The following IQSEC1 variants were observed in gnomAD, a reference collection of about 807,000 sequenced individuals.
The protein encoded by IQSEC1 is IQ motif and Sec7 domain ArfGEF 1.
Under a neutral mutation model 91.0 loss-of-function variants are expected in IQSEC1, and 31 were observed. The ratio of observed to expected loss-of-function variants is 0.34; its 90% CI spans 0.26 to 0.46. The LOEUF (loss-of-function observed/expected upper bound fraction) is 0.46. Among genes scored for constraint, IQSEC1 ranks in the 20% least tolerant of loss-of-function variants. IQSEC1 has a pLI of 1.00. For missense variants in IQSEC1, 1,388 were observed against 1,575.6 expected (o/e 0.88, Z 2.02); for synonymous variants, 699 against 662.6 (o/e 1.05, Z -0.84).
intron 2 of IQSEC1, among the ~76,000 whole-genome samples, chr3:13,134,786 C>A (rs932333571): frequency 9.8e-5 from 15 of 152,288 alleles, no homozygotes; most frequent in Admixed American, 3.3e-4. Context: ...AGAGAAAATT[C>A]TTTAACTGGG....
chr3:12,922,820 TCTTC>T lies in IQSEC1; in HGVS notation c.1731-582_1731-579del, dbSNP rs553512484. On this transcript the variant is annotated intron_variant, in intron 4 of 13. Coordinates refer to ENST00000613206, the MANE Select transcript of IQSEC1 (RefSeq NM_001134382.3). The surrounding 1 kb of genome is among the most constrained non-coding windows in gnomAD (Gnocchi z 5.1). ...GGCGGCTGATGAATGGTCTCCACAT[TCTTC>T]CCATGGCCCTGCCCCGGCACACCCT... 3.2e-3 allele frequency among the ~76,000 whole-genome samples: 489 copies of T among 152,214 alleles called. 3 individuals are homozygous for T. Among genetic ancestry groups the T allele is most frequent in the African/African-American group, 0.011 (467 of 41,542 alleles).
chr3:13,274,443 G>A (rs919786580), intron 1 of IQSEC1, among the ~76,000 whole-genome samples: 19 of 152,150 alleles, frequency 1.2e-4, no homozygotes, highest in African/African-American at 3.4e-4. Context: ...CGGTTCCCAC[G>A]GAGGGGGCGG....
intron 1 of IQSEC1, among the ~76,000 whole-genome samples, chr3:13,198,614 C>T (rs957010254): frequency 3.3e-5 from 5 of 152,202 alleles, no homozygotes; most frequent in Non-Finnish European, 7.3e-5. Context: ...TGGTGACCTA[C>T]AGCCGGGATC....
In IQSEC1 at chr3:13,012,964, C is replaced by CTTTTTTTTTTTTTTTT. The variant is rs35541458; in HGVS notation, c.23+60012_23+60027dup. Among the ~76,000 whole-genome samples, 90 of 97,506 alleles carry CTTTTTTTTTTTTTTTT rather than the reference C, an allele frequency of 9.2e-4. 11 individuals carry two copies. The highest frequency in any genetic ancestry group is 2.2e-3 in the African/African-American group (47 of 21,274). The allele number at this position is 97,506 out of a possible 152,430, so 64.0% of individuals were successfully genotyped here. ...ACAGAAACTCCCATGAAAGTCTGGG[C>CTTTTTTTTTTTTTTTT]TTTTTTTTTTTTTTTTGAGACAGTC... On this transcript the variant is annotated intron_variant, in intron 1 of 13. Transcript: ENST00000613206.
rs1180193268 is a variant in IQSEC1 at position 12,899,338 on chromosome 3, A to AAAGG, written c.*1641_*1644dup. ...TCAGGCGTGAGCTTCGCCCTTTCTG[A>AAAGG]AAGGGCCTCCGCCTGGGCAGGCGCC... On this transcript the variant is annotated 3_prime_UTR_variant, in exon 14 of 14. Transcript: ENST00000613206. The AAAGG allele has an allele frequency of 6.3e-7, 1 of 1,598,546 alleles. No homozygotes were observed. Among genetic ancestry groups the AAAGG allele is most frequent in the Non-Finnish European group, 8.5e-7 (1 of 1,169,942 alleles).
At chr3:13,225,878 A>ATT (rs59308345) in intron 1 of IQSEC1, among the ~76,000 whole-genome samples, 27,986 of 150,188 alleles carry the variant, frequency 0.19, 3,687 homozygotes, top group African/African-American at 0.36. Flanking sequence ...TAATTCATCA[A>ATT]TTTTTTTTTT....
At chr3:13,266,772 G>A (rs548077676) in intron 1 of IQSEC1, among the ~76,000 whole-genome samples, 1 of 152,052 alleles carries the variant, frequency 6.6e-6, no homozygotes, top group Non-Finnish European at 1.5e-5. Context: ...GACAATTAGG[G>A]GCTCACCGTC....
chr3:13,022,539 C>A, intron 1 of IQSEC1: 1 of 877,168 alleles, frequency 1.1e-6, no homozygotes, highest in Non-Finnish European at 1.4e-6. Context: ...AGCCCAGGGG[C>A]TGGCCCTGCG....
At chr3:12,917,908 A>G (rs1156434151) in intron 6 of IQSEC1, among the ~76,000 whole-genome samples, 1 of 152,272 alleles carries the variant, frequency 6.6e-6, no homozygotes, top group Non-Finnish European at 1.5e-5. Flanking sequence ...CCGCCTTCAC[A>G]GTCCTCCAGC....
Position 12,941,686 on chromosome 3 carries a change from G to A in IQSEC1, c.203C>T (p.Pro68Leu). 2 of 1,612,924 alleles carry A rather than the reference G, an allele frequency of 1.2e-6. No individual in the cohort carries two copies. The highest frequency in any genetic ancestry group is 1.7e-6 in the Non-Finnish European group (2 of 1,179,964). ...PPGQQQRTRR[P>L]KLQHSTSILR... ...GATGGAGGTCGAGTGCTGCAGCTTG[G>A]GCCTCCGCGTGCGCTGCTGTTGCCC... Residue 68 changes from proline to leucine, a missense_variant, in exon 2 of 14, where the codon CCC becomes CTC. By Grantham distance (98) the Pro-to-Leu change is moderately conservative. This residue lies in a region of IQSEC1 where 1,059 missense variants were observed against 1,317.8 expected (regional missense o/e 0.80). Coordinates refer to ENST00000613206, the MANE Select transcript of IQSEC1 (RefSeq NM_001134382.3).
chr3:12,997,419 G>C (rs971899805), intron 1 of IQSEC1, among the ~76,000 whole-genome samples: 2 of 152,002 alleles, frequency 1.3e-5, no homozygotes, highest in Non-Finnish European at 2.9e-5. Flanking sequence ...AGGTCAACAG[G>C]GGTTATCTGG....
chr3:12,990,686 C>T (rs900051626), intron 1 of IQSEC1, among the ~76,000 whole-genome samples: 3 of 152,162 alleles, frequency 2.0e-5, no homozygotes, highest in Admixed American at 2.0e-4. Flanking sequence ...TCTGGGTACA[C>T]AGACTGGTAA....
At chr3:13,166,324 G>A (rs995598908) in intron 1 of IQSEC1, among the ~76,000 whole-genome samples, 1 of 152,236 alleles carries the variant, frequency 6.6e-6, no homozygotes, top group African/African-American at 2.4e-5. Context: ...ATCTGCCTCA[G>A]TAGGACGAAA....
At chr3:13,130,436 C>CT (rs1244021510) in intron 2 of IQSEC1, among the ~76,000 whole-genome samples, 2 of 151,364 alleles carry the variant, frequency 1.3e-5, no homozygotes, top group African/African-American at 4.9e-5. Flanking sequence ...AGTGCACATA[C>CT]TTTGTGTGAC....
chr3:13,141,850 T>A (rs990007294), intron 2 of IQSEC1, among the ~76,000 whole-genome samples: 2 of 152,210 alleles, frequency 1.3e-5, no homozygotes, highest in Non-Finnish European at 2.9e-5. Context: ...CGTCACTTCA[T>A]CTTCTCCTCC....
chr3:13,161,786 C>T (rs1427698142), intron 2 of IQSEC1, among the ~76,000 whole-genome samples: 1 of 152,230 alleles, frequency 6.6e-6, no homozygotes, highest in African/African-American at 2.4e-5. Flanking sequence ...CTGGAACTTC[C>T]ATCCGCGATC....
In IQSEC1 at chr3:12,900,934, G is replaced by A. The variant is rs750588608; in HGVS notation, c.*49C>T. 8 of 1,538,420 alleles carry A rather than the reference G, an allele frequency of 5.2e-6. No homozygotes were observed. The Admixed American group carries it at 7.8e-5, about 15-fold the overall frequency. ...GGCTGGCGACCCCCGGGCGTGCCCTGTGTGGTGTGCAGGTGTTTCAGGGAG... is the reference window on the plus strand; with the variant it reads ...GGCTGGCGACCCCCGGGCGTGCCCTATGTGGTGTGCAGGTGTTTCAGGGAG... On this transcript the variant is annotated 3_prime_UTR_variant, in exon 14 of 14. Coordinates refer to ENST00000613206, the MANE Select transcript of IQSEC1 (RefSeq NM_001134382.3).
intron 1 of IQSEC1, among the ~76,000 whole-genome samples, chr3:12,991,986 A>G (rs986302162): frequency 1.3e-5 from 2 of 152,072 alleles, no homozygotes; most frequent in Non-Finnish European, 2.9e-5. Context: ...GAGACCCAAG[A>G]TTACCTAATG....
chr3:13,124,007 A>G (rs552663253), intron 2 of IQSEC1, among the ~76,000 whole-genome samples: 1 of 152,366 alleles, frequency 6.6e-6, no homozygotes, highest in African/African-American at 2.4e-5. Flanking sequence ...TTTGAGAACA[A>G]CAGCGGCCAA....
Sources: allele counts gnomAD v4.1 joint callset (sites outside exome capture counted in the v4.1 genomes callset), GRCh38; gene constraint gnomAD v4.1.1; regional missense constraint gnomAD v4.1.1; non-coding constraint Gnocchi (gnomAD v3.1); transcripts MANE v1.5; gene names NCBI Gene and HGNC (gene_info 2026-07-23, HGNC 2026-07-21).